ZMYM2: variants seen among roughly 807,000 people sequenced by gnomAD.
ZMYM2 encodes the protein zinc finger MYM-type protein 2.
ZMYM2 carries 56 observed loss-of-function variants against 162.8 expected under a neutral mutation model. The ratio of observed to expected loss-of-function variants is 0.34; its 90% CI spans 0.28 to 0.43. The LOEUF (loss-of-function observed/expected upper bound fraction) is 0.43, where lower values mean the gene tolerates loss of function less well. ZMYM2 is among the 20% of genes least tolerant of loss of function. ZMYM2 has a pLI of 1.00. For missense variants in ZMYM2, 1,275 were observed against 1,621.8 expected (o/e 0.79, Z 3.67); for synonymous variants, 510 against 541.6 (o/e 0.94, Z 0.81).
rs1270115549 is a variant in ZMYM2, at chr13:20,046,581, A to ATATATGTGTGTG, written c.2293-4851_2293-4850insATATGTGTGTGT. ...AAAAAAAAAATATATATATATATAT[A>ATATATGTGTGTG]TGTGTGTGTGTGTGTGTGTGTGTGT... is the stretch of plus-strand genomic sequence containing the variant. On this transcript the variant is annotated intron_variant, in intron 12 of 24. Transcript: ENST00000610343. Among the ~76,000 whole-genome samples the ATATATGTGTGTG allele has an allele frequency of 1.4e-4, 16 of 117,506 alleles. No individual in the cohort carries two copies. The South Asian group carries it at 1.7e-3, about 13-fold the overall frequency. The allele number at this position is 117,506 out of a possible 152,430, so 77.1% of individuals were successfully genotyped here.
intron 21 of ZMYM2, among the ~76,000 whole-genome samples, chr13:20,069,735 T>C (rs1413258578): frequency 2.0e-5 from 3 of 152,028 alleles, no homozygotes; most frequent in Non-Finnish European, 4.4e-5. Context: ...TTGGTGATGA[T>C]TTTTGCAGAT....
chr13:19,916,467 G>A, the ZMYM2 span, among the ~76,000 whole-genome samples: 11 of 152,130 alleles, frequency 7.2e-5, no homozygotes, highest in Non-Finnish European at 1.3e-4. Flanking sequence ...CAACCCAAAT[G>A]CCCATCAATG....
chr13:19,996,503 G>A (rs1055745084), intron 3 of ZMYM2, among the ~76,000 whole-genome samples: 2 of 152,126 alleles, frequency 1.3e-5, no homozygotes, highest in Non-Finnish European at 2.9e-5. Context: ...AAGGTGGACG[G>A]ATCATCTGAG....
At chr13:19,877,343 A>C in the ZMYM2 span, among the ~76,000 whole-genome samples, 1 of 152,218 alleles carries the variant, frequency 6.6e-6, no homozygotes, top group Admixed American at 6.5e-5. Flanking sequence ...CAGAAAGTGG[A>C]AAGGGAGTAG....
chr13:20,045,610 C>T (rs1406259165), intron 12 of ZMYM2, among the ~76,000 whole-genome samples: 1 of 152,018 alleles, frequency 6.6e-6, no homozygotes, highest in Non-Finnish European at 1.5e-5. Context: ...ACTTTTATAC[C>T]CATTGTTTAG....
chr13:19,904,473 G>T, the ZMYM2 span, among the ~76,000 whole-genome samples: 1 of 152,100 alleles, frequency 6.6e-6, no homozygotes, highest in Non-Finnish European at 1.5e-5. Flanking sequence ...CAGGAGAATT[G>T]CTTGAATGCA....
intron 21 of ZMYM2, among the ~76,000 whole-genome samples, chr13:20,077,319 A>G (rs1285476814): frequency 6.6e-6 from 1 of 150,514 alleles, no homozygotes; most frequent in East Asian, 1.9e-4. Flanking sequence ...CAACTTTACT[A>G]TAATTATCAG....
At chr13:19,885,956 T>TATATGTGTATATACAC in the ZMYM2 span, among the ~76,000 whole-genome samples, 22 of 77,808 alleles carry the variant, frequency 2.8e-4, 6 homozygotes, top group Non-Finnish European at 4.7e-4. Flanking sequence ...TATATACACA[T>TATATGTGTATATACAC]ATATATGTGT....
the ZMYM2 span, among the ~76,000 whole-genome samples, chr13:19,885,802 G>A: frequency 1.3e-5 from 2 of 148,372 alleles, no homozygotes; most frequent in African/African-American, 5.0e-5. Flanking sequence ...AGAAGAGATA[G>A]CAATACTGCA....
the ZMYM2 span, among the ~76,000 whole-genome samples, chr13:19,904,116 A>G: frequency 1.3e-5 from 2 of 152,302 alleles, no homozygotes; most frequent in African/African-American, 4.8e-5. Flanking sequence ...CCTAAAACTC[A>G]TATCTGAGGA....
chr13:19,958,989 A>C (rs1232796827), intron 1 of ZMYM2, 148 bp downstream of exon 1: 2 of 151,374 alleles, frequency 1.3e-5, no homozygotes, highest in Non-Finnish European at 2.9e-5. Context: ...CCTCCCACCG[A>C]CCCGGGATTA....
chr13:19,908,759 T>G, the ZMYM2 span, among the ~76,000 whole-genome samples: 1 of 152,242 alleles, frequency 6.6e-6, no homozygotes, highest in African/African-American at 2.4e-5. Flanking sequence ...TGGCTCAATA[T>G]AAGAAAGCTA....
At chr13:20,053,079 A>G (rs1955505878) in intron 14 of ZMYM2, among the ~76,000 whole-genome samples, 1 of 152,118 alleles carries the variant, frequency 6.6e-6, no homozygotes, top group Admixed American at 6.6e-5. Flanking sequence ...GTGGCCATTG[A>G]TGTTACTAAT....
chr13:19,903,661 G>A, the ZMYM2 span, among the ~76,000 whole-genome samples: 1 of 151,606 alleles, frequency 6.6e-6, no homozygotes, highest in African/African-American at 2.4e-5. Context: ...CTTGAGCTCA[G>A]GAGTTCAAGA....
intron 2 of ZMYM2, among the ~76,000 whole-genome samples, chr13:19,963,113 A>C (rs773101871): frequency 6.6e-6 from 1 of 152,174 alleles, no homozygotes; most frequent in Non-Finnish European, 1.5e-5. Context: ...TGCTGAGATT[A>C]CAGGCGTGAG....
the ZMYM2 span, among the ~76,000 whole-genome samples, chr13:19,950,246 C>A: frequency 6.6e-6 from 1 of 151,840 alleles, no homozygotes; most frequent in East Asian, 1.9e-4. Flanking sequence ...GTATTTATTA[C>A]CTTTGGAAGT....
At chr13:19,868,451 C>G in the ZMYM2 span, among the ~76,000 whole-genome samples, 1 of 152,142 alleles carries the variant, frequency 6.6e-6, no homozygotes, top group Non-Finnish European at 1.5e-5. Flanking sequence ...GATGTTCCAT[C>G]GTTGCCTACA....
the ZMYM2 span, among the ~76,000 whole-genome samples, chr13:19,899,389 GAAGA>G: frequency 0.01 from 1,559 of 151,992 alleles, 34 homozygotes; most frequent in African/African-American, 0.036. Context: ...CAGTTAAAGA[GAAGA>G]AAGATCTCAA....
intron 21 of ZMYM2, among the ~76,000 whole-genome samples, chr13:20,078,873 C>G (rs1271662491): frequency 2.6e-5 from 4 of 151,900 alleles, no homozygotes; most frequent in Admixed American, 6.6e-5. Context: ...AAATGTATAA[C>G]ATGTTACATT....
Sources: allele counts gnomAD v4.1 joint callset (sites outside exome capture counted in the v4.1 genomes callset), GRCh38; gene constraint gnomAD v4.1.1; transcripts MANE v1.5; gene names NCBI Gene and HGNC (gene_info 2026-07-23, HGNC 2026-07-21).